Variants in LAT2 observed in about 807,000 individuals in gnomAD.
LAT2 encodes the protein linker for activation of T-cells family member 2.
Under a neutral mutation model 43.4 loss-of-function variants are expected in LAT2, and 23 were observed. That is an observed-to-expected ratio of 0.53 (90% confidence interval 0.38 to 0.75). The LOEUF (loss-of-function observed/expected upper bound fraction) is 0.75. Ranked by LOEUF, LAT2 falls within the 30% of genes least tolerant of loss-of-function variation. The probability of loss-of-function intolerance (pLI) is 0.00; values close to 1 mark genes in which losing one functional copy is unlikely to be tolerated. For missense variants in LAT2, 284 were observed against 310.2 expected (o/e 0.92, Z 0.64); for synonymous variants, 128 against 123.2 (o/e 1.04, Z -0.26).
chr7:74,227,955 C>G (rs1188170515), intron 13 of LAT2, among the ~76,000 whole-genome samples: 1 of 151,200 alleles, frequency 6.6e-6, no homozygotes, highest in East Asian at 2.0e-4. Flanking sequence ...GCAGGCTGAT[C>G]ACCTGAGGTC....
At chr7:74,223,308 C>T (rs1554715558) in intron 10 of LAT2, among the ~76,000 whole-genome samples, 2 of 152,220 alleles carry the variant, frequency 1.3e-5, no homozygotes, top group African/African-American at 4.8e-5. Flanking sequence ...CTGGGCAACA[C>T]AGCGAGATCC....
At chr7:74,214,685 A>T (rs1308688047) in intron 1 of LAT2, 137 bp from the exon 2 acceptor site, 1 of 88,602 alleles carries the variant, frequency 1.1e-5, no homozygotes, top group African/African-American at 5.0e-5. Context: ...TATATATATG[A>T]AAATAATATA....
At position 74,224,038 on chromosome 7, in the gene LAT2, G is replaced by A. The variant is rs782261695; in HGVS notation, c.469G>A (p.Gly157Ser). The change falls in exon 12 of 14, where the codon GGT becomes AGT. Residue 157 changes from glycine to serine, a missense_variant. Physicochemically the swap from Gly to Ser is moderately conservative, Grantham distance 56. Coordinates refer to ENST00000460943, the MANE Select transcript of LAT2 (RefSeq NM_032464.3). ...TETGAQQEGI[G>S]GLCRGDLSLS... is the part of the protein sequence containing the mutation. The stretch of plus-strand genomic sequence containing the variant: ...TGCAGGTGCCCAGCAGGAGGGCATA[G>A]GTGGCCTCTGCAGAGGGGACCTCAG... The A allele has an allele frequency of 3.1e-6, 5 of 1,613,910 alleles. No individual in the cohort carries two copies. In the Admixed American group the frequency reaches 6.7e-5, roughly 22 times the overall value.
chr7:74,219,009 C>CTTTTTTTTTTTTTTTTTTTTTTTTTTT (rs781806954), intron 4 of LAT2, among the ~76,000 whole-genome samples: 1 of 48,746 alleles, frequency 2.1e-5, no homozygotes, highest in African/African-American at 7.2e-5. Context: ...AGAGTGTGTG[C>CTTTTTTTTTTTTTTTTTTTTTTTTTTT]TTTTTTTTTT....
chr7:74,219,822 G>T, intron 5 of LAT2, 35 bp downstream of exon 5: 1 of 1,613,722 alleles, frequency 6.2e-7, no homozygotes, highest in Admixed American at 1.7e-5. Context: ...TGGGCTCTGG[G>T]TTGGGGGTGT....
intron 1 of LAT2, among the ~76,000 whole-genome samples, chr7:74,214,263 T>C (rs575131912): frequency 2.3e-5 from 2 of 88,878 alleles, no homozygotes; most frequent in African/African-American, 1.0e-4. Context: ...AATATATATA[T>C]ATGAAAATAT....
At chr7:74,211,299 C>T (rs975890423) in intron 1 of LAT2, among the ~76,000 whole-genome samples, 14 of 152,258 alleles carry the variant, frequency 9.2e-5, no homozygotes, top group Middle Eastern at 6.8e-3. Context: ...TTTTTTTAAA[C>T]GGAGTCTCAC....
chr7:74,223,718 C>T lies in LAT2; in HGVS notation c.389-6C>T. 5 of 1,613,866 alleles carry T rather than the reference C, an allele frequency of 3.1e-6. No homozygotes were observed. The highest frequency in any genetic ancestry group is 1.3e-5 in the African/African-American group (1 of 75,016). ...ACCCCCGTGCCCACTCCTCTCTCTC[C>T]TGCAGATGATGATGCCAATTCCTAC... On this transcript the variant is annotated splice_region_variant and splice_polypyrimidine_tract_variant and intron_variant, in intron 10 of 13. Transcript: ENST00000460943.
intron 10 of LAT2, among the ~76,000 whole-genome samples, chr7:74,222,740 A>AT (rs1174333105): frequency 1.2e-4 from 18 of 151,794 alleles, no homozygotes; most frequent in African/African-American, 4.1e-4. Flanking sequence ...CGCCTGGCTA[A>AT]TTTTTTGTAT....
chr7:74,226,933 A>C (rs115598018), intron 13 of LAT2, among the ~76,000 whole-genome samples: 19,058 of 146,486 alleles, frequency 0.13, 1,480 homozygotes, highest in African/African-American at 0.22. Flanking sequence ...AGGGAGGAGC[A>C]GGTGAGGGGA....
At position 74,215,946 on chromosome 7, in the gene LAT2, G is replaced by T. The variant is rs1483939978; in HGVS notation, c.-29-1G>T. 3 of 1,607,014 alleles carry T rather than the reference G, an allele frequency of 1.9e-6. No individual in the cohort carries two copies. Among genetic ancestry groups the T allele is most frequent in the Admixed American group, 1.7e-5 (1 of 60,014 alleles). On this transcript the variant is annotated splice_acceptor_variant, in intron 2 of 13. Coordinates refer to ENST00000460943, the MANE Select transcript of LAT2 (RefSeq NM_032464.3). LOFTEE classifies it low-confidence loss of function (5UTR_SPLICE). ...TTGCTCACGGGCACCTCCCATTTCA[G>T]CATCACAAGAGGCAACACCAGGAGC... is the stretch of plus-strand genomic sequence containing the variant.
chr7:74,220,275 A>G lies in LAT2; in HGVS notation c.265+21A>G. The G allele has an allele frequency of 6.2e-7, 1 of 1,608,430 alleles. No individual in the cohort carries two copies. The highest frequency in any genetic ancestry group is 8.5e-7 in the Non-Finnish European group (1 of 1,176,442). On this transcript the variant is annotated intron_variant, in intron 7 of 13. Coordinates refer to ENST00000460943, the MANE Select transcript of LAT2 (RefSeq NM_032464.3). This position sits in a 1 kb window ranked among gnomAD's most constrained non-coding sequence, Gnocchi z 4.5. ...GGAGGGTGAGTGGCACAGGGCAGGG[A>G]CAGGGACAGGCCTAGCCAAGCTGGG...
intron 13 of LAT2, among the ~76,000 whole-genome samples, chr7:74,228,165 T>TA (rs34339569): frequency 0.01 from 232 of 22,438 alleles, 30 homozygotes; most frequent in Non-Finnish European, 0.02. Context: ...AACTACGTCT[T>TA]AAAAAAAAAA....
chr7:74,223,842 G>A (rs1802383329), intron 11 of LAT2, 59 bp downstream of exon 11: 33 of 1,565,022 alleles, frequency 2.1e-5, no homozygotes, highest in Non-Finnish European at 2.8e-5. Flanking sequence ...CCTTGGCCAG[G>A]TGCCCCTGCA....
At chr7:74,222,986 G>A (rs1554715526) in intron 10 of LAT2, among the ~76,000 whole-genome samples, 10 of 152,176 alleles carry the variant, frequency 6.6e-5, no homozygotes, top group Non-Finnish European at 1.5e-5. Flanking sequence ...AGGCGCTGAG[G>A]TGCCATACTC....
chr7:74,214,648 ATATATATATGAAAAT>A (rs1801943666), intron 1 of LAT2, among the ~76,000 whole-genome samples, 159 bp from the exon 2 acceptor site: 2 of 62,892 alleles, frequency 3.2e-5, no homozygotes, highest in African/African-American at 7.8e-5. Context: ...ATATGAAAAT[ATATATATATGAAAAT>A]ATATATATAA....
At chr7:74,214,305 T>A (rs1282963220) in intron 1 of LAT2, among the ~76,000 whole-genome samples, 2 of 77,894 alleles carry the variant, frequency 2.6e-5, no homozygotes, top group African/African-American at 1.1e-4. Flanking sequence ...AATATATATA[T>A]AAATATATAT....
chr7:74,214,787 ATATATT>A (rs1323937929), intron 1 of LAT2, 29 bp from the exon 2 acceptor site: 5 of 88,386 alleles, frequency 5.7e-5, no homozygotes, highest in Admixed American at 1.4e-4. Context: ...ATATATATAT[ATATATT>A]TTTTTTTTTT....
chr7:74,214,771 ATATAAATATATATATATATAT>A (rs1563968750), intron 1 of LAT2, 30 bp from the exon 2 acceptor site: 2 of 27,186 alleles, frequency 7.4e-5, no homozygotes, highest in African/African-American at 1.5e-4. Context: ...AAACATATAT[ATATAAATATATATATATATAT>A]TTTTTTTTTT....
Sources: gnomAD v4.1 joint callset for allele counts (sites outside exome capture counted in the v4.1 genomes callset) on GRCh38, gnomAD v4.1.1 for gene constraint, Gnocchi (gnomAD v3.1) non-coding constraint, MANE v1.5 for transcripts, NCBI Gene and HGNC (gene_info 2026-07-23, HGNC 2026-07-21) for gene names.